Variants in BBX observed in about 807,000 individuals in gnomAD.
The protein encoded by BBX is HMG box transcription factor BBX.
BBX carries 30 observed loss-of-function variants against 100.2 expected under a neutral mutation model. The observed-to-expected ratio is 0.30, with a 90% CI of 0.22 to 0.41. The LOEUF is 0.41. Among genes scored for constraint, BBX ranks in the 10% least tolerant of loss-of-function variants. The probability of loss-of-function intolerance (pLI) is 1.00; values close to 1 mark genes in which losing one functional copy is unlikely to be tolerated. For synonymous variants in BBX, 376 were observed against 388.1 expected (o/e 0.97, Z 0.37); for missense variants, 1,023 against 1,129.8 (o/e 0.91, Z 1.35).
chr3:107,594,313 C>T (rs953207824), intron 2 of BBX, among the ~76,000 whole-genome samples: 5 of 152,114 alleles, frequency 3.3e-5, no homozygotes, highest in Admixed American at 6.5e-5. Flanking sequence ...TTCCGGGGAC[C>T]AGCTTCCTTG....
At chr3:107,676,837 G>A (rs1285905195) in intron 3 of BBX, among the ~76,000 whole-genome samples, 1 of 152,052 alleles carries the variant, frequency 6.6e-6, no homozygotes, top group African/African-American at 2.4e-5. Flanking sequence ...ATGCAGAATA[G>A]CTTTTTAAAA....
At chr3:107,714,796 T>C (rs1012432207) in intron 4 of BBX, among the ~76,000 whole-genome samples, 4 of 152,074 alleles carry the variant, frequency 2.6e-5, no homozygotes, top group African/African-American at 4.8e-5. Flanking sequence ...CAAAAGACTT[T>C]TTTTTTTTGA....
At chr3:107,687,172 C>T (rs865778616) in intron 3 of BBX, among the ~76,000 whole-genome samples, 1 of 152,060 alleles carries the variant, frequency 6.6e-6, no homozygotes, top group Non-Finnish European at 1.5e-5. Flanking sequence ...AACTTAGTGA[C>T]GGCTTACAAA....
chr3:107,757,941 ATCTCGGGATTTC>A (rs2065614956), intron 10 of BBX, among the ~76,000 whole-genome samples: 1 of 152,190 alleles, frequency 6.6e-6, no homozygotes, highest in Non-Finnish European at 1.5e-5. Flanking sequence ...GGCCACACCC[ATCTCGGGATTTC>A]TAAAGAGATA....
chr3:107,696,717 T>C lies in BBX; in HGVS notation c.-9-13735T>C, dbSNP rs1009156599. Among the ~76,000 whole-genome samples, 66 of 151,766 alleles carry C rather than the reference T, an allele frequency of 4.3e-4. 1 individual carries two copies. Among genetic ancestry groups the C allele is most frequent in the African/African-American group, 1.4e-3 (59 of 41,072 alleles). ...CGAGGAGTATCTTTGTGGCGTTCTC[T>C]GTATTTCCTGAATCTGAATGTTGGC... On this transcript the variant is annotated intron_variant, in intron 3 of 17. Transcript: ENST00000325805.
At chr3:107,539,362 G>A (rs115201061) in intron 2 of BBX, among the ~76,000 whole-genome samples, 1,593 of 152,286 alleles carry the variant, frequency 0.01, 10 homozygotes, top group Non-Finnish European at 0.018. Flanking sequence ...ATATCCATGT[G>A]TTGCAGGGAT....
In BBX at chr3:107,808,724, A is replaced by G. The variant is rs868840426; in HGVS notation, c.*3267A>G. 1.3e-5 allele frequency: 2 copies of G among 152,384 alleles called. No homozygotes were observed. The highest frequency in any genetic ancestry group is 3.4e-3 in the Middle Eastern group (1 of 294). 9.4% of individuals were successfully genotyped at this position (152,384 alleles called of 1,614,324 possible). On this transcript the variant is annotated 3_prime_UTR_variant, in exon 18 of 18. Coordinates refer to ENST00000325805, the MANE Select transcript of BBX (RefSeq NM_001142568.3). Reference sequence around the variant, plus strand: ...AAATACAGGTTCTTGTCCCCAAATTAGGTTAGTTCCCAGATTTTAGATCAA... The same window carrying G: ...AAATACAGGTTCTTGTCCCCAAATTGGGTTAGTTCCCAGATTTTAGATCAA...
chr3:107,607,084 G>A (rs1423891410), intron 2 of BBX, among the ~76,000 whole-genome samples: 1 of 151,880 alleles, frequency 6.6e-6, no homozygotes, highest in Non-Finnish European at 1.5e-5. Flanking sequence ...CCATTTTGTT[G>A]CAAATAACAA....
chr3:107,689,810 A>G (rs2060047001), intron 3 of BBX, among the ~76,000 whole-genome samples: 1 of 152,216 alleles, frequency 6.6e-6, no homozygotes, highest in Non-Finnish European at 1.5e-5. Context: ...TAAAAACTAA[A>G]ATCAGTGATA....
At chr3:107,731,687 T>A (rs903643466) in intron 6 of BBX, among the ~76,000 whole-genome samples, 1 of 151,826 alleles carries the variant, frequency 6.6e-6, no homozygotes, top group African/African-American at 2.4e-5. Context: ...CCCTTTTTTT[T>A]ACTACCTCAG....
intron 2 of BBX, among the ~76,000 whole-genome samples, chr3:107,618,576 C>A (rs899410978): frequency 2.6e-5 from 4 of 152,030 alleles, no homozygotes; most frequent in Admixed American, 1.3e-4. Flanking sequence ...CTGTTCTACT[C>A]ATGTTGATAT....
At chr3:107,801,047 G>A (rs748405671) in intron 16 of BBX, 48 bp from the exon 17 acceptor site, 1 of 1,551,566 alleles carries the variant, frequency 6.4e-7, no homozygotes, top group Admixed American at 1.7e-5. Flanking sequence ...TCTCTTCTCT[G>A]GAGAGAACAG....
rs559736087 is a variant in BBX at position 107,756,501 on chromosome 3, A to AT, written c.906+829dup. On this transcript the variant is annotated intron_variant, in intron 10 of 17. Coordinates refer to ENST00000325805, the MANE Select transcript of BBX (RefSeq NM_001142568.3). Reference sequence around the variant, plus strand: ...GAGCTCCCTTTGAGTTCTTTTGTAAATTTTTTGTAGTTTATTTAACTTAAT... The same window carrying AT: ...GAGCTCCCTTTGAGTTCTTTTGTAAATTTTTTTGTAGTTTATTTAACTTAAT... 1.7e-4 allele frequency among the ~76,000 whole-genome samples: 26 copies of AT among 152,010 alleles called. 1 individual carries two copies. The East Asian group carries it at 4.8e-3, about 28-fold the overall frequency.
intron 2 of BBX, among the ~76,000 whole-genome samples, chr3:107,580,072 C>T (rs2052158085): frequency 6.6e-6 from 1 of 151,752 alleles, no homozygotes; most frequent in Non-Finnish European, 1.5e-5. Flanking sequence ...TTTAAAAAGC[C>T]AATAATCTTT....
intron 3 of BBX, among the ~76,000 whole-genome samples, chr3:107,650,717 A>T (rs995331030): frequency 4.6e-5 from 7 of 152,140 alleles, no homozygotes; most frequent in Non-Finnish European, 1.0e-4. Flanking sequence ...CACCTGGATT[A>T]TTGGTAGAGT....
At position 107,805,626 on chromosome 3, in the gene BBX, TG is replaced by T; in HGVS notation, c.*170del. ...CAGAAGTTAGCATCCTGGGCCAGTTTGTTCTCTCAGAACCCAGAATCTTTGA... is the reference window on the plus strand; with the variant it reads ...CAGAAGTTAGCATCCTGGGCCAGTTTTTCTCTCAGAACCCAGAATCTTTGA... On this transcript the variant is annotated 3_prime_UTR_variant, in exon 18 of 18. Transcript: ENST00000325805. 3 of 1,316,442 alleles carry T rather than the reference TG, an allele frequency of 2.3e-6. No individual in the cohort carries two copies. Among genetic ancestry groups the T allele is most frequent in the Non-Finnish European group, 3.1e-6 (3 of 965,178 alleles). The allele number at this position is 1,316,442 out of a possible 1,614,324, so 81.5% of individuals were successfully genotyped here.
chr3:107,723,291 C>T (rs192876925), intron 5 of BBX, among the ~76,000 whole-genome samples: 3 of 152,026 alleles, frequency 2.0e-5, no homozygotes, highest in African/African-American at 4.8e-5. Flanking sequence ...AACAGGCAAA[C>T]GGAGAACAGT....
chr3:107,657,286 C>T (rs1341110817), intron 3 of BBX: 1 of 152,078 alleles, frequency 6.6e-6, no homozygotes, highest in Non-Finnish European at 1.5e-5. Flanking sequence ...TGAAGTATTC[C>T]AAGTTACAGA....
At chr3:107,744,281 T>C (rs2064384024) in intron 7 of BBX, among the ~76,000 whole-genome samples, 1 of 152,096 alleles carries the variant, frequency 6.6e-6, no homozygotes, top group Non-Finnish European at 1.5e-5. Context: ...AAGATGGGAT[T>C]TTTTAGCATT....
Sources: allele counts gnomAD v4.1 joint callset (sites outside exome capture counted in the v4.1 genomes callset), GRCh38; gene constraint gnomAD v4.1.1; transcripts MANE v1.5; gene names NCBI Gene and HGNC (gene_info 2026-07-23, HGNC 2026-07-21).